FARP2: variants seen among roughly 807,000 people sequenced by gnomAD.
FARP2 encodes FERM, ARH/RhoGEF and pleckstrin domain protein 2.
FARP2 carries 111 observed loss-of-function variants against 130.5 expected under a neutral mutation model. The ratio of observed to expected loss-of-function variants is 0.85; its 90% confidence interval spans 0.73 to 1.00. The LOEUF (loss-of-function observed/expected upper bound fraction) is 1.00, where lower values mean the gene tolerates loss of function less well. Ranked by LOEUF, FARP2 falls within the 50% of genes least tolerant of loss-of-function variation. The pLI is 0.00. For missense variants in FARP2, 1,385 were observed against 1,346.3 expected, an observed-to-expected ratio of 1.03 and a Z score of -0.45; for synonymous variants, 504 against 516.9, an observed-to-expected ratio of 0.98 and a Z score of 0.34.
At chr2:241,389,302 C>T (rs1376966489) in intron 2 of FARP2, among the ~76,000 whole-genome samples, 1 of 152,068 alleles carries the variant, frequency 6.6e-6, no homozygotes, top group African/African-American at 2.4e-5. Context: ...ATCAAACAAA[C>T]AAAAACTCTT....
intron 8 of FARP2, among the ~76,000 whole-genome samples, chr2:241,421,586 A>C (rs754477406): frequency 3.3e-5 from 5 of 152,180 alleles, no homozygotes; most frequent in Non-Finnish European, 7.3e-5. Flanking sequence ...GTTCCCCCAC[A>C]TGCAGCATAC....
chr2:241,374,906 T>C (rs1264111122), intron 2 of FARP2, among the ~76,000 whole-genome samples: 1 of 152,150 alleles, frequency 6.6e-6, no homozygotes, highest in Non-Finnish European at 1.5e-5. Flanking sequence ...GTGACTTTCC[T>C]GTAGGAAATA....
chr2:241,369,126 G>A lies in FARP2; in HGVS notation c.-24-3958G>A, dbSNP rs146567415. Among the ~76,000 whole-genome samples the A allele has an allele frequency of 3.3e-5, 5 of 152,150 alleles. No individual in the cohort carries two copies. The East Asian group carries it at 9.6e-4, about 29-fold the overall frequency. ...AAAATGAGGATGTAAGTCGCTGCTT[G>A]GAAAGTGTGCAAACGTGTAAAGATT... is the stretch of plus-strand genomic sequence containing the variant. On this transcript the variant is annotated intron_variant, in intron 1 of 26. Coordinates refer to ENST00000264042, the MANE Select transcript of FARP2 (RefSeq NM_014808.4).
At chr2:241,413,635 G>A (rs1320072652) in intron 7 of FARP2, among the ~76,000 whole-genome samples, 3 of 152,204 alleles carry the variant, frequency 2.0e-5, no homozygotes, top group African/African-American at 7.2e-5. Flanking sequence ...CCTGCACGAT[G>A]TGCTGCTTTA....
intron 2 of FARP2, among the ~76,000 whole-genome samples, chr2:241,387,576 G>A (rs993728677): frequency 2.0e-5 from 3 of 152,072 alleles, no homozygotes; most frequent in Middle Eastern, 6.8e-3. Context: ...GGCTGATCAC[G>A]AGGTCAGGAG....
chr2:241,361,754 T>G (rs999014177), intron 1 of FARP2, among the ~76,000 whole-genome samples: 5 of 152,124 alleles, frequency 3.3e-5, no homozygotes, highest in African/African-American at 1.2e-4. Context: ...TAGGGGAATG[T>G]GAGGTGAAGG....
chr2:241,364,883 C>A (rs1476561293), intron 1 of FARP2, among the ~76,000 whole-genome samples: 2 of 151,982 alleles, frequency 1.3e-5, no homozygotes, highest in African/African-American at 4.8e-5. Context: ...AGAAATAATC[C>A]CTGTAAATAT....
rs1442332182 is a variant in FARP2, at chr2:241,368,220, A to G, written c.-24-4864A>G. On this transcript the variant is annotated intron_variant, in intron 1 of 26. Coordinates refer to ENST00000264042, the MANE Select transcript of FARP2 (RefSeq NM_014808.4). The stretch of plus-strand genomic sequence containing the variant: ...GTGCAAATTGTATCGGCCACCAGAA[A>G]TGTTTTTAGGAATGAAGACTGCAAA... 5.3e-5 allele frequency among the ~76,000 whole-genome samples: 8 copies of G among 152,246 alleles called. No homozygotes were observed. The East Asian group carries it at 1.5e-3, about 29-fold the overall frequency.
intron 2 of FARP2, among the ~76,000 whole-genome samples, chr2:241,383,145 A>G (rs1006851844): frequency 1.3e-5 from 2 of 152,226 alleles, no homozygotes; most frequent in Admixed American, 6.5e-5. Flanking sequence ...GTATTTGCTG[A>G]GCCTCGGTGT....
intron 2 of FARP2, among the ~76,000 whole-genome samples, chr2:241,396,516 G>A (rs1368147595): frequency 6.6e-6 from 1 of 152,166 alleles, no homozygotes; most frequent in Non-Finnish European, 1.5e-5. Flanking sequence ...ATCAAAAAGT[G>A]GGTGAAGGAC....
At chr2:241,493,073 C>T (rs750687713) in intron 25 of FARP2, 37 bp downstream of exon 25, 39 of 1,266,364 alleles carry the variant, frequency 3.1e-5, no homozygotes, top group Admixed American at 2.4e-4. Flanking sequence ...GCAGGTGATG[C>T]TAGCAGACAG....
chr2:241,384,695 T>C (rs2061743614), intron 2 of FARP2, among the ~76,000 whole-genome samples: 1 of 152,234 alleles, frequency 6.6e-6, no homozygotes, highest in African/African-American at 2.4e-5. Flanking sequence ...TGTATTGATA[T>C]TTGAAACTGG....
chr2:241,483,970 G>A, intron 20 of FARP2: 1 of 1,309,534 alleles, frequency 7.6e-7, no homozygotes, highest in Non-Finnish European at 9.8e-7. Flanking sequence ...GGAGGTAACT[G>A]AGTCAGCACC....
chr2:241,473,217 C>T (rs367624258), intron 18 of FARP2, among the ~76,000 whole-genome samples: 1 of 147,850 alleles, frequency 6.8e-6, no homozygotes, highest in African/African-American at 2.5e-5. Context: ...CTGTGAGGAC[C>T]CTTTTCTAAG....
intron 13 of FARP2, chr2:241,446,793 C>T (rs1296925051): frequency 6.6e-6 from 1 of 152,196 alleles, no homozygotes; most frequent in Non-Finnish European, 1.5e-5. Context: ...TGGTGCTCAT[C>T]TGGGAGCCAT....
chr2:241,462,720 C>T lies in FARP2; in HGVS notation c.1677+108C>T, dbSNP rs527710394. 2.5e-5 allele frequency: 18 copies of T among 729,952 alleles called. No individual in the cohort carries two copies. The South Asian group carries it at 2.9e-4, about 12-fold the overall frequency. 45.2% of individuals were successfully genotyped at this position (729,952 alleles called of 1,614,324 possible). ...TTTTTCTTTTTTTGAGATGGAGCCT[C>T]ACTCTGTCACCCAGGCTGGAGTGCG... is the stretch of plus-strand genomic sequence containing the variant. On this transcript the variant is annotated intron_variant, in intron 15 of 26. Coordinates refer to ENST00000264042, the MANE Select transcript of FARP2 (RefSeq NM_014808.4).
At chr2:241,395,582 G>T (rs1014148571) in intron 2 of FARP2, 2 of 152,174 alleles carry the variant, frequency 1.3e-5, no homozygotes, top group African/African-American at 4.8e-5. Flanking sequence ...TTTCTTTGTG[G>T]CCTGCATTGT....
At chr2:241,463,609 G>A (rs2064086826) in intron 16 of FARP2, 141 bp downstream of exon 16, 1 of 925,314 alleles carries the variant, frequency 1.1e-6, no homozygotes, top group South Asian at 1.7e-5. Context: ...GTGGGGAGAG[G>A]TACAGATGTA....
At chr2:241,365,855 A>G (rs1001549939) in intron 1 of FARP2, among the ~76,000 whole-genome samples, 1 of 151,428 alleles carries the variant, frequency 6.6e-6, no homozygotes, top group Non-Finnish European at 1.5e-5. Flanking sequence ...ATTATGTGAA[A>G]CCATTTATGA....
Sources: allele counts gnomAD v4.1 joint callset (sites outside exome capture counted in the v4.1 genomes callset), GRCh38; gene constraint gnomAD v4.1.1; transcripts MANE v1.5; gene names NCBI Gene and HGNC (gene_info 2026-07-23, HGNC 2026-07-21).